The following ZNF726 variants were observed in gnomAD, a reference collection of about 807,000 sequenced individuals.
ZNF726 encodes the protein zinc finger protein 726, also known as zinc finger protein 92 pseudogene 3.
ZNF726 carries 15 observed loss-of-function variants against 11.6 expected under a neutral mutation model. That is an observed-to-expected ratio of 1.29 (90% confidence interval 0.86 to 1.99). The LOEUF (loss-of-function observed/expected upper bound fraction) is 1.99, where lower values mean the gene tolerates loss of function less well. ZNF726 is among the 30% of genes most tolerant of loss of function. The pLI, the probability that ZNF726 is intolerant of heterozygous loss-of-function variation, is 0.00. For synonymous variants in ZNF726, 295 were observed against 243.6 expected, an observed-to-expected ratio of 1.21 and a Z score of -1.96; for missense variants, 890 against 725.6, an observed-to-expected ratio of 1.23 and a Z score of -2.60.
chr19:23,925,484 G>T (rs1967962936), intron 3 of ZNF726, among the ~76,000 whole-genome samples: 1 of 151,900 alleles, frequency 6.6e-6, no homozygotes, highest in Non-Finnish European at 1.5e-5. Context: ...GAGCCACCAC[G>T]CCCGGCCAAG....
At chr19:23,915,126 C>A in intron 1 of ZNF726, 129 bp downstream of exon 1, 1 of 1,424,362 alleles carries the variant, frequency 7.0e-7, no homozygotes, top group Non-Finnish European at 9.8e-7. Flanking sequence ...TGTTGCCCAG[C>A]TCGGCCTCAG....
At chr19:23,921,033 C>CA (rs1568375152) in intron 3 of ZNF726, 1 of 152,206 alleles carries the variant, frequency 6.6e-6, no homozygotes. Flanking sequence ...CGTGGTGGCT[C>CA]ACGCCTGTAA....
chr19:23,939,337 T>G (rs1968299823), downstream of ZNF726, among the ~76,000 whole-genome samples: 1 of 152,202 alleles, frequency 6.6e-6, no homozygotes, highest in Non-Finnish European at 1.5e-5. Context: ...CATATATGTA[T>G]ATGTCATAGT....
intron 3 of ZNF726, among the ~76,000 whole-genome samples, chr19:23,924,179 G>C (rs1314751098): frequency 6.6e-6 from 1 of 151,454 alleles, no homozygotes; most frequent in Non-Finnish European, 1.5e-5. Context: ...GAGTAGCTGG[G>C]ATTACAGGCA....
intron 1 of ZNF726, 51 bp downstream of exon 1, chr19:23,915,048 A>G: frequency 6.2e-7 from 1 of 1,613,472 alleles, no homozygotes; most frequent in Non-Finnish European, 8.5e-7. Context: ...GCTGGCTGGA[A>G]CCGGTGGGAA....
At chr19:23,939,477 G>T (rs1968302121), downstream of ZNF726, among the ~76,000 whole-genome samples, 1 of 152,030 alleles carries the variant, frequency 6.6e-6, no homozygotes, top group Admixed American at 6.6e-5. Context: ...TTTATTTCTG[G>T]GTTCTCTGTT....
At position 23,934,320 on chromosome 19, in the gene ZNF726, G is replaced by A. The variant is rs962514041; in HGVS notation, c.*353G>A. On this transcript the variant is annotated 3_prime_UTR_variant, in exon 4 of 4. Coordinates refer to ENST00000594466, the MANE Select transcript of ZNF726 (RefSeq NM_001244038.2). ...AAACCTTACAAATGTGAGGAATGTG[G>A]CAAAGCCTTTAAATGTTCCTCAACT... 12 of 590,796 alleles carry A rather than the reference G, an allele frequency of 2.0e-5. 1 individual carries two copies. The highest frequency in any genetic ancestry group is 1.1e-4 in the African/African-American group (6 of 54,122). The allele number at this position is 590,796 out of a possible 1,614,324, so 36.6% of individuals were successfully genotyped here. A position where few individuals can be genotyped will look rare whatever the true frequency, so the allele number is the denominator to read the frequency against.
At chr19:23,918,730 G>GT (rs77837826) in intron 1 of ZNF726, among the ~76,000 whole-genome samples, 35,893 of 147,674 alleles carry the variant, frequency 0.24, 4,465 homozygotes, top group African/African-American at 0.27. Flanking sequence ...GCAGCTGCCT[G>GT]TTTTTTTTAG....
At chr19:23,940,486 T>C (rs1044195015) in intron 3 of ZNF726, among the ~76,000 whole-genome samples, 75 of 152,304 alleles carry the variant, frequency 4.9e-4, no homozygotes, top group Middle Eastern at 3.4e-3. Context: ...CTATGTGGGC[T>C]CTATATGAAT....
At chr19:23,924,398 A>G (rs1430418818) in intron 3 of ZNF726, among the ~76,000 whole-genome samples, 1 of 152,090 alleles carries the variant, frequency 6.6e-6, no homozygotes, top group East Asian at 1.9e-4. Flanking sequence ...CTAAGTTAGT[A>G]GCCTTGGAAA....
chr19:23,929,853 T>C (rs1213566502), intron 3 of ZNF726, among the ~76,000 whole-genome samples: 1 of 152,204 alleles, frequency 6.6e-6, no homozygotes, highest in Non-Finnish European at 1.5e-5. Flanking sequence ...ATCATCATTA[T>C]AATAGTAAAA....
chr19:23,921,336 CCTT>C (rs1355648043), intron 3 of ZNF726: 3 of 152,202 alleles, frequency 2.0e-5, no homozygotes, highest in Non-Finnish European at 2.9e-5. Flanking sequence ...AGTATAATGT[CCTT>C]CTGCTTTGTT....
chr19:23,919,921 C>A, intron 2 of ZNF726, 66 bp from the exon 3 acceptor site: 1 of 1,096,056 alleles, frequency 9.1e-7, no homozygotes, highest in Non-Finnish European at 1.3e-6. Flanking sequence ...TTTTACTTTG[C>A]ACATTACTAA....
chr19:23,930,591 T>G (rs925660858), intron 3 of ZNF726, among the ~76,000 whole-genome samples: 1 of 152,186 alleles, frequency 6.6e-6, no homozygotes, highest in Non-Finnish European at 1.5e-5. Context: ...CCTGTATAAA[T>G]GTTATCCTTG....
intron 3 of ZNF726, among the ~76,000 whole-genome samples, chr19:23,929,841 G>T (rs753930298): frequency 2.0e-5 from 3 of 151,940 alleles, no homozygotes; most frequent in Non-Finnish European, 4.4e-5. Flanking sequence ...AGAGTTATAT[G>T]CATCATCATT....
chr19:23,919,937 T>C (rs761560646), intron 2 of ZNF726, 50 bp from the exon 3 acceptor site: 4 of 1,324,908 alleles, frequency 3.0e-6, no homozygotes, highest in Non-Finnish European at 4.2e-6. Context: ...ACTAAGTTGG[T>C]AATTGGAGAA....
intron 3 of ZNF726, chr19:23,928,561 A>G (rs1968037160): frequency 6.6e-6 from 1 of 152,172 alleles, no homozygotes; most frequent in Non-Finnish European, 1.5e-5. Context: ...ATATCAACCC[A>G]TTTTACCAAT....
At chr19:23,921,978 C>T (rs945822445) in intron 3 of ZNF726, among the ~76,000 whole-genome samples, 1 of 152,172 alleles carries the variant, frequency 6.6e-6, no homozygotes, top group Non-Finnish European at 1.5e-5. Flanking sequence ...AACACCTCTT[C>T]AGAATTTTAT....
At chr19:23,940,608 C>A (rs544481280) in intron 3 of ZNF726, among the ~76,000 whole-genome samples, 1 of 151,920 alleles carries the variant, frequency 6.6e-6, no homozygotes, top group African/African-American at 2.4e-5. Context: ...AAATTTAATT[C>A]TATCCTTCCA....
Sources: gnomAD v4.1 joint callset for allele counts (sites outside exome capture counted in the v4.1 genomes callset) on GRCh38, gnomAD v4.1.1 for gene constraint, MANE v1.5 for transcripts, NCBI Gene and HGNC (gene_info 2026-07-23, HGNC 2026-07-21) for gene names.